The following CEP170B variants were observed in gnomAD, a reference collection of about 807,000 sequenced individuals.
The protein encoded by CEP170B is centrosomal protein of 170 kDa protein B.
Under a neutral mutation model 120.6 loss-of-function variants are expected in CEP170B, and 55 were observed. The observed-to-expected ratio is 0.46, with a 90% confidence interval of 0.37 to 0.57. The LOEUF (loss-of-function observed/expected upper bound fraction) is 0.57, where lower values mean the gene tolerates loss of function less well. CEP170B is among the 20% of genes least tolerant of loss of function. The probability of loss-of-function intolerance (pLI) is 0.00; values close to 1 mark genes in which losing one functional copy is unlikely to be tolerated. For missense variants in CEP170B, 2,212 were observed against 2,253.3 expected, an observed-to-expected ratio of 0.98 and a Z score of 0.37; for synonymous variants, 1,033 against 954.5, an observed-to-expected ratio of 1.08 and a Z score of -1.52.
At chr14:104,883,769 T>C (rs1896292713) in intron 8 of CEP170B, 62 bp from the exon 9 acceptor site, 1 of 1,431,780 alleles carries the variant, frequency 7.0e-7, no homozygotes. Context: ...TGAGGCTGCC[T>C]GAGATCGACA....
chr14:104,889,403 C>A, intron 12 of CEP170B: 18 of 1,243,364 alleles, frequency 1.4e-5, no homozygotes, highest in Non-Finnish European at 1.9e-5. Flanking sequence ...AGCCTCGACG[C>A]TGCCCAGCCC....
Position 104,893,825 on chromosome 14 carries a change from C to T in CEP170B, c.4247C>T (p.Thr1416Ile), listed in dbSNP as rs752874612. 6.2e-7 allele frequency: 1 copy of T among 1,612,564 alleles called. No homozygotes were observed. The highest frequency in any genetic ancestry group is 8.5e-7 in the Non-Finnish European group (1 of 1,179,690). ...SQLSQAIREN[T>I]EHLAEKMKIL... is the part of the protein sequence containing the mutation. ...CTGTCGCAGGCCATCCGTGAGAACA[C>T]AGAGCACCTTGCCGAGAAGATGAAG... Residue 1416 changes from threonine (T) to isoleucine (I), a missense_variant, in exon 16 of 19, where the codon ACA (threonine) becomes ATA (isoleucine). Thr to Ile is a moderately conservative substitution (Grantham distance 89). Coordinates refer to ENST00000414716, the MANE Select transcript of CEP170B (RefSeq NM_001112726.3).
At chr14:104,881,226 G>A (rs773971010) in intron 6 of CEP170B, among the ~76,000 whole-genome samples, 1 of 152,122 alleles carries the variant, frequency 6.6e-6, no homozygotes, top group Non-Finnish European at 1.5e-5. Context: ...GCGTGGGTCC[G>A]GTGGGCACAA....
At position 104,884,612 on chromosome 14, in the gene CEP170B, G is replaced by T. The variant is rs560204137; in HGVS notation, c.1770+63G>T. On this transcript the variant is annotated intron_variant, in intron 9 of 18. Transcript: ENST00000414716. Reference sequence around the variant, plus strand: ...CGGGGGGGTGGAGGCGATGCCGGGGGTGGCGAGTGAGAGCCCTCGTGGGGA... The same window carrying T: ...CGGGGGGGTGGAGGCGATGCCGGGGTTGGCGAGTGAGAGCCCTCGTGGGGA... 7.5e-6 allele frequency: 11 copies of T among 1,466,066 alleles called. No homozygotes were observed. The Admixed American group carries it at 2.1e-4, about 28-fold the overall frequency. 90.8% of individuals were successfully genotyped at this position (1,466,066 alleles called of 1,614,324 possible).
chr14:104,869,256 T>G (rs1040046197), intron 2 of CEP170B, among the ~76,000 whole-genome samples: 15 of 152,294 alleles, frequency 9.8e-5, no homozygotes, highest in African/African-American at 3.6e-4. Flanking sequence ...GTGAACGAGT[T>G]GGGCTCCCTG....
At chr14:104,866,063 TGG>T (rs1457588221) in intron 1 of CEP170B, among the ~76,000 whole-genome samples, 1 of 152,224 alleles carries the variant, frequency 6.6e-6, no homozygotes, top group African/African-American at 2.4e-5. Flanking sequence ...CCTCTGACTG[TGG>T]CCCTTCCGGC....
At chr14:104,890,811 G>GGGTA in intron 13 of CEP170B, among the ~76,000 whole-genome samples, 3 of 146,304 alleles carry the variant, frequency 2.1e-5, no homozygotes, top group African/African-American at 7.7e-5. Flanking sequence ...ATGGATGAGT[G>GGGTA]GGTGGGTGGA....
chr14:104,880,523 A>C, intron 6 of CEP170B, 98 bp downstream of exon 6: 1 of 1,508,382 alleles, frequency 6.6e-7, no homozygotes, highest in Non-Finnish European at 8.9e-7. Flanking sequence ...CTCTGCATGC[A>C]TATACCATGT....
chr14:104,865,781 C>T lies in CEP170B; in HGVS notation c.-28+268C>T, dbSNP rs1219909122. 4.6e-5 allele frequency among the ~76,000 whole-genome samples: 7 copies of T among 152,194 alleles called. No individual in the cohort carries two copies. The highest frequency in any genetic ancestry group is 4.6e-4 in the Admixed American group (7 of 15,304). On this transcript the variant is annotated intron_variant, in intron 1 of 18. Transcript: ENST00000414716. The surrounding 1 kb of genome is among the most constrained non-coding windows in gnomAD (Gnocchi z 6.7). ...GGCACCCGGGTCCCCGCCCCGGCAC[C>T]GGCTCGGCCATGGCCGCCCCCGGAG...
rs373290606 is a variant in CEP170B, at chr14:104,893,671, G to A, written c.4182+5G>A. 110 of 1,583,906 alleles carry A rather than the reference G, an allele frequency of 6.9e-5. No homozygotes were observed. Among genetic ancestry groups the A allele is most frequent in the Non-Finnish European group, 8.7e-5 (102 of 1,166,332 alleles). On this transcript the variant is annotated splice_donor_5th_base_variant and intron_variant, in intron 15 of 18. Coordinates refer to ENST00000414716, the MANE Select transcript of CEP170B (RefSeq NM_001112726.3). ...CGGCCTCGGAACCGAGAGGAGGCAC[G>A]GTGCCCACTACCGCCACGGAGCTGG...
At chr14:104,872,295 T>TGTGCGTGTGC in intron 2 of CEP170B, among the ~76,000 whole-genome samples, 1 of 122,078 alleles carries the variant, frequency 8.2e-6, no homozygotes, top group East Asian at 2.5e-4. Context: ...GCCGCGTGTG[T>TGTGCGTGTGC]GTGCCATGGG....
chr14:104,890,779 GGGTA>G (rs1896806370), intron 13 of CEP170B, among the ~76,000 whole-genome samples: 1 of 139,252 alleles, frequency 7.2e-6, no homozygotes, highest in African/African-American at 2.7e-5. Flanking sequence ...ATGGATGAGT[GGGTA>G]GATGGATGGA....
Position 104,870,745 on chromosome 14 carries a change from C to T in CEP170B, c.105+2190C>T, listed in dbSNP as rs1358687590. ...CAGGTCGGGAGTGTTGGGGGCTTCCCAGCTCTCCTCAGTGGCCGCCCCTGG... is the reference window on the plus strand; with the variant it reads ...CAGGTCGGGAGTGTTGGGGGCTTCCTAGCTCTCCTCAGTGGCCGCCCCTGG... On this transcript the variant is annotated intron_variant, in intron 2 of 18. Transcript: ENST00000414716. This position sits in a 1 kb window ranked among gnomAD's most constrained non-coding sequence, Gnocchi z 4.1. Among the ~76,000 whole-genome samples the T allele has an allele frequency of 6.6e-6, 1 of 152,144 alleles. No individual in the cohort carries two copies. Among genetic ancestry groups the T allele is most frequent in the Non-Finnish European group, 1.5e-5 (1 of 68,004 alleles).
In CEP170B at chr14:104,887,068, G is replaced by A. The variant is rs45563833; in HGVS notation, c.2829G>A (p.Pro943=). 0.036 allele frequency: 57,539 copies of A among 1,611,340 alleles called. 1,152 individuals carry two copies. Among genetic ancestry groups the A allele is most frequent in the South Asian group, 0.039 (3,567 of 91,076 alleles). Residue 943 remains proline, a synonymous_variant, in exon 12 of 19, where the codon CCG becomes CCA. Coordinates refer to ENST00000414716, the MANE Select transcript of CEP170B (RefSeq NM_001112726.3). ...CCGAGTGTGAGGGGGGCAGCACCCCGAGGCCGCCGGAGGACGCCCTGTCTG... is the reference window on the plus strand; with the variant it reads ...CCGAGTGTGAGGGGGGCAGCACCCCAAGGCCGCCGGAGGACGCCCTGTCTG... ...VDAECEGGST[P]RPPEDALSGD...
chr14:104,894,495 C>T (rs369462799), intron 17 of CEP170B, 42 bp from the exon 18 acceptor site: 7 of 1,604,038 alleles, frequency 4.4e-6, no homozygotes, highest in African/African-American at 2.7e-5. Context: ...GGCTGCAGCC[C>T]GTCAGAAGTT....
In CEP170B at chr14:104,883,372, C is replaced by A. The variant is rs755030132; in HGVS notation, c.915C>A (p.Gly305=). ...CCCCGGGCAAGGAGGCCACACCTGGCGAGATGGTGTCGGCTGAGACCAAGG... is the reference window on the plus strand; with the variant it reads ...CCCCGGGCAAGGAGGCCACACCTGGAGAGATGGTGTCGGCTGAGACCAAGG... The part of the protein sequence containing the change: ...RRPPGKEATP[G]EMVSAETKVA... Residue 305 remains glycine (G), a synonymous_variant, in exon 8 of 19, where the codon GGC becomes GGA. Transcript: ENST00000414716. 2 of 1,607,492 alleles carry A rather than the reference C, an allele frequency of 1.2e-6. No homozygotes were observed. Among genetic ancestry groups the A allele is most frequent in the East Asian group, 2.2e-5 (1 of 44,586 alleles).
intron 13 of CEP170B, among the ~76,000 whole-genome samples, chr14:104,890,862 TG>T (rs1896818930): frequency 8.4e-6 from 1 of 119,034 alleles, no homozygotes; most frequent in Non-Finnish European, 1.7e-5. Context: ...AGTGGGTGGG[TG>T]GGTGGATGGA....
intron 2 of CEP170B, among the ~76,000 whole-genome samples, chr14:104,874,391 C>T (rs1246944690): frequency 6.6e-6 from 1 of 152,144 alleles, no homozygotes; most frequent in Non-Finnish European, 1.5e-5. Flanking sequence ...CAGACCCACT[C>T]TCAGAGACCT....
chr14:104,881,174 G>A (rs1896135938), intron 6 of CEP170B, among the ~76,000 whole-genome samples: 1 of 152,170 alleles, frequency 6.6e-6, no homozygotes, highest in South Asian at 2.1e-4. Context: ...CAGTGCAGCG[G>A]GTAGGCAGAA....
Sources: allele counts gnomAD v4.1 joint callset (sites outside exome capture counted in the v4.1 genomes callset), GRCh38; gene constraint gnomAD v4.1.1; non-coding constraint Gnocchi (gnomAD v3.1); transcripts MANE v1.5; gene names NCBI Gene and HGNC (gene_info 2026-07-23, HGNC 2026-07-21).